ZNF695: variants seen among roughly 807,000 people sequenced by gnomAD.
ZNF695 encodes zinc finger protein 695.
Under a neutral mutation model 11.2 loss-of-function variants are expected in ZNF695, and 11 were observed. The ratio of observed to expected loss-of-function variants is 0.98; its 90% CI spans 0.62 to 1.62. ZNF695 has a LOEUF of 1.62. Ranked by LOEUF, ZNF695 falls within the 40% of genes most tolerant of loss-of-function variation. The pLI is 0.00. For synonymous variants in ZNF695, 190 were observed against 201.4 expected (o/e 0.94, Z 0.48); for missense variants, 559 against 590.5 (o/e 0.95, Z 0.55).
chr1:246,971,534 G>A (rs950241325), intron 4 of ZNF695, among the ~76,000 whole-genome samples: 24 of 152,234 alleles, frequency 1.6e-4, no homozygotes, highest in African/African-American at 3.9e-4. Context: ...TGACGCTACC[G>A]CTAGACCAGG....
Position 246,999,457 on chromosome 1 carries a change from A to C in ZNF695, c.167-17T>G, listed in dbSNP as rs761051876. ...TAGCAAGACCTGTTTTATTAGAAAA[A>C]AGGTGCATGATTCTTGCAGGGATTC... On this transcript the variant is annotated splice_polypyrimidine_tract_variant and intron_variant, in intron 2 of 3. Coordinates refer to ENST00000339986, the MANE Select transcript of ZNF695 (RefSeq NM_020394.5). The C allele has an allele frequency of 1.4e-5, 23 of 1,595,764 alleles. No individual in the cohort carries two copies. Among genetic ancestry groups the C allele is most frequent in the Non-Finnish European group, 1.8e-5 (21 of 1,164,252 alleles).
intron 1 of ZNF695, among the ~76,000 whole-genome samples, chr1:247,007,034 T>C (rs553567796): frequency 2.6e-5 from 4 of 152,318 alleles, no homozygotes; most frequent in South Asian, 2.1e-4. Flanking sequence ...CCAAATAAGG[T>C]GACTGCATAA....
rs374552474 is a variant in ZNF695, at chr1:246,987,785, C to A, written c.730G>T (p.Glu244Ter). 9.3e-6 allele frequency: 15 copies of A among 1,605,276 alleles called. No individual in the cohort carries two copies. Among genetic ancestry groups the A allele is most frequent in the Admixed American group, 1.7e-5 (1 of 57,570 alleles). Residue 244 changes from glutamate (E) to a stop codon, truncating the protein, a stop_gained, in exon 4 of 4, where the codon GAA (glutamate) becomes TAA (stop). Transcript: ENST00000339986. LOFTEE classifies it low-confidence loss of function (END_TRUNC). ...HVGEKHCKCEECNNIFKSCSS... is the reference protein window; with the variant it reads ...HVGEKHCKCE Reference sequence around the variant, plus strand: ...CAAGACTTAAAAATGTTATTACATTCTTCACATTTGCAATGTTTCTCTCCA... The same window carrying A: ...CAAGACTTAAAAATGTTATTACATTATTCACATTTGCAATGTTTCTCTCCA...
intron 5 of ZNF695, among the ~76,000 whole-genome samples, chr1:246,948,863 T>C (rs1667802409): frequency 6.6e-6 from 1 of 152,156 alleles, no homozygotes; most frequent in African/African-American, 2.4e-5. Flanking sequence ...TCCCTAAGCA[T>C]CTATTCCCTC....
At chr1:246,960,835 A>G (rs1486493104) in intron 5 of ZNF695, among the ~76,000 whole-genome samples, 1 of 152,112 alleles carries the variant, frequency 6.6e-6, no homozygotes, top group Non-Finnish European at 1.5e-5. Flanking sequence ...TGGGAGTCTG[A>G]GGTGGGAGGA....
At position 246,987,996 on chromosome 1, in the gene ZNF695, T is replaced by C. The variant is rs201849987; in HGVS notation, c.519A>G (p.Lys173=). The change falls in exon 4 of 4, where the codon AAA becomes AAG. Residue 173 remains lysine, a synonymous_variant. Transcript: ENST00000339986. ...TTTCTCCAGTATGGCTTATCTTACA[T>C]TTATTTAGATTTGCAAATTTACTAA... ...KGFSKFANLN[K]CKISHTGEKP... 7.6e-5 allele frequency: 121 copies of C among 1,596,116 alleles called. No homozygotes were observed. In the Middle Eastern group the frequency reaches 3.5e-3, roughly 46 times the overall value.
In ZNF695 at chr1:246,956,258, G is replaced by A. The variant is rs557764208; in HGVS notation, c.489-10431C>T. 6.0e-4 allele frequency among the ~76,000 whole-genome samples: 91 copies of A among 151,384 alleles called. 1 individual carries two copies. The South Asian group carries it at 7.4e-3, about 12-fold the overall frequency. ...CAGCCTCGGCCTCCCAAAGTGCTGGGATTACAAGCATGAGCTACTGTGCCC... is the reference window on the plus strand; with the variant it reads ...CAGCCTCGGCCTCCCAAAGTGCTGGAATTACAAGCATGAGCTACTGTGCCC... On this transcript the variant is annotated intron_variant, in intron 5 of 5. Transcript: ENST00000487338.
intron 1 of ZNF695, among the ~76,000 whole-genome samples, chr1:247,007,232 G>A (rs1316766717): frequency 6.6e-6 from 1 of 152,058 alleles, no homozygotes; most frequent in Non-Finnish European, 1.5e-5. Flanking sequence ...GAGACCGGGC[G>A]CGGTGGCTCA....
In ZNF695 at chr1:246,988,092, A is replaced by G; in HGVS notation, c.423T>C (p.Tyr141=). The G allele has an allele frequency of 6.2e-7, 1 of 1,613,536 alleles. No homozygotes were observed. The highest frequency in any genetic ancestry group is 8.5e-7 in the Non-Finnish European group (1 of 1,179,762). The change falls in exon 4 of 4, where the codon TAT becomes TAC. Residue 141 remains tyrosine, a synonymous_variant. Transcript: ENST00000339986. ...TTGCTGAGCATAGGTCAAGTCCATT[A>G]TAACTTGCCTTCTGCCCTTTCCACT... The part of the protein sequence containing the change: ...VGEWKGQKAS[Y]NGLDLCSATT...
chr1:247,000,189 C>A, intron 1 of ZNF695, 115 bp from the exon 2 acceptor site: 1 of 867,412 alleles, frequency 1.2e-6, no homozygotes, highest in Non-Finnish European at 1.7e-6. Flanking sequence ...CTAGAATTAT[C>A]AAATAAGATA....
intron 5 of ZNF695, among the ~76,000 whole-genome samples, chr1:246,958,371 T>C (rs1388458590): frequency 6.6e-6 from 1 of 152,190 alleles, no homozygotes; most frequent in African/African-American, 2.4e-5. Context: ...ACTTGTCTTA[T>C]GATTGCCCCA....
rs1669265924 is a variant in ZNF695 at position 246,998,347 on chromosome 1, TAA to T, written c.259+999_259+1000del. On this transcript the variant is annotated intron_variant, in intron 3 of 3. Coordinates refer to ENST00000339986, the MANE Select transcript of ZNF695 (RefSeq NM_020394.5). ...ACACTCCCCAACGACCCAGCATATT[TAA>T]GAAATCTAGGATATGAGTAGATATA... 1.3e-5 allele frequency among the ~76,000 whole-genome samples: 2 copies of T among 152,182 alleles called. 1 individual carries two copies.
downstream of ZNF695, among the ~76,000 whole-genome samples, chr1:246,981,710 T>C (rs1404142358): frequency 6.6e-6 from 1 of 152,120 alleles, no homozygotes; most frequent in Non-Finnish European, 1.5e-5. Context: ...GGTGATGGTA[T>C]AGAAAACAGT....
chr1:246,954,779 C>T (rs1417163076), intron 5 of ZNF695, among the ~76,000 whole-genome samples: 2 of 152,162 alleles, frequency 1.3e-5, no homozygotes, highest in Admixed American at 6.6e-5. Context: ...TTTTCTTGCT[C>T]ACTAAGTTTT....
chr1:246,959,917 T>A (rs547202853), intron 5 of ZNF695, among the ~76,000 whole-genome samples: 4 of 152,328 alleles, frequency 2.6e-5, no homozygotes, highest in Admixed American at 2.6e-4. Flanking sequence ...GTGTTTCTGA[T>A]CCATTAGTTC....
intron 5 of ZNF695, among the ~76,000 whole-genome samples, chr1:246,949,337 C>A (rs1459055812): frequency 6.6e-6 from 1 of 152,020 alleles, no homozygotes; most frequent in East Asian, 1.9e-4. Context: ...ACAGTTGTAA[C>A]CCCCACACTT....
intron 3 of ZNF695, among the ~76,000 whole-genome samples, chr1:246,997,553 A>G (rs529266912): frequency 2.3e-4 from 33 of 146,532 alleles, no homozygotes; most frequent in East Asian, 9.7e-4. Flanking sequence ...GCAATCTCAC[A>G]TGTGTGTGTG....
intron 3 of ZNF695, among the ~76,000 whole-genome samples, chr1:246,997,263 G>A (rs1272423461): frequency 6.6e-6 from 1 of 152,182 alleles, no homozygotes; most frequent in Non-Finnish European, 1.5e-5. Flanking sequence ...AGCACTTTGG[G>A]AGGCTGAGGC....
chr1:246,980,444 T>G (rs1283727752), downstream of ZNF695, among the ~76,000 whole-genome samples: 1 of 145,876 alleles, frequency 6.9e-6, no homozygotes, highest in Non-Finnish European at 1.5e-5. Context: ...TGAGACAGAC[T>G]CTTACTCTGT....
Sources: gnomAD v4.1 joint callset for allele counts (sites outside exome capture counted in the v4.1 genomes callset) on GRCh38, gnomAD v4.1.1 for gene constraint, MANE v1.5 for transcripts, NCBI Gene and HGNC (gene_info 2026-07-23, HGNC 2026-07-21) for gene names.